Variants in OTOP1 observed in about 807,000 individuals in gnomAD.
OTOP1 encodes proton channel OTOP1.
OTOP1 carries 59 observed loss-of-function variants against 52.9 expected under a neutral mutation model. The ratio of observed to expected loss-of-function variants is 1.12; its 90% CI spans 0.91 to 1.39. The LOEUF (loss-of-function observed/expected upper bound fraction) is 1.39. Ranked by LOEUF, OTOP1 falls within the 40% of genes most tolerant of loss-of-function variation. The pLI, the probability that OTOP1 is intolerant of heterozygous loss-of-function variation, is 0.00. For missense variants in OTOP1, 761 were observed against 800.9 expected (o/e 0.95, Z 0.60); for synonymous variants, 317 against 337.7 (o/e 0.94, Z 0.67).
At chr4:4,193,536 A>G (rs1716557754) in intron 5 of OTOP1, among the ~76,000 whole-genome samples, 1 of 136,414 alleles carries the variant, frequency 7.3e-6, no homozygotes, top group Non-Finnish European at 1.6e-5. Context: ...TGCCTTTGGC[A>G]CCACCTGGGG....
Position 4,222,352 on chromosome 4 carries a change from G to A in OTOP1, c.403+4110C>T, listed in dbSNP as rs375546284. 2.0e-5 allele frequency among the ~76,000 whole-genome samples: 3 copies of A among 152,252 alleles called. No individual in the cohort carries two copies. In the South Asian group the frequency reaches 6.2e-4, roughly 32 times the overall value. On this transcript the variant is annotated intron_variant, in intron 1 of 5. Coordinates refer to ENST00000296358, the MANE Select transcript of OTOP1 (RefSeq NM_177998.3). ...ACAGAGGATGGCCTGGAGCTGACAG[G>A]TGCAAGGCAGCAGCACTTTCTACCC...
chr4:4,201,467 T>TACACACACACACACACAC (rs374925758), intron 4 of OTOP1, among the ~76,000 whole-genome samples: 7 of 126,288 alleles, frequency 5.5e-5, no homozygotes, highest in Admixed American at 2.3e-4. Flanking sequence ...TAAATATATA[T>TACACACACACACACACAC]ATATACACAC....
In OTOP1 at chr4:4,202,367, A is replaced by G. The variant is rs1022628597; in HGVS notation, c.730+81T>C. Reference sequence around the variant, plus strand: ...TGCAGTTCTTTGGAACCTGCACTCCATCTCTGAACTCTGTGGACTCTGCAG... The same window carrying G: ...TGCAGTTCTTTGGAACCTGCACTCCGTCTCTGAACTCTGTGGACTCTGCAG... On this transcript the variant is annotated intron_variant, in intron 4 of 5. Transcript: ENST00000296358. 3.8e-6 allele frequency: 6 copies of G among 1,589,396 alleles called. No individual in the cohort carries two copies. The Admixed American group carries it at 8.4e-5, about 22-fold the overall frequency.
chr4:4,224,362 A>G (rs1449953028), intron 1 of OTOP1, among the ~76,000 whole-genome samples: 1 of 151,160 alleles, frequency 6.6e-6, no homozygotes, highest in African/African-American at 2.4e-5. Context: ...AAAAAAATAA[A>G]GAAGGAAAGG....
intron 4 of OTOP1, among the ~76,000 whole-genome samples, chr4:4,201,465 T>TACACAC (rs773676745): frequency 6.4e-4 from 55 of 86,184 alleles, no homozygotes; most frequent in African/African-American, 2.2e-3. Context: ...AATAAATATA[T>TACACAC]ATATATACAC....
chr4:4,212,925 A>T lies in OTOP1; in HGVS notation c.483T>A (p.Cys161Ter). 1 of 1,614,170 alleles carries T rather than the reference A, an allele frequency of 6.2e-7. No individual in the cohort carries two copies. Among genetic ancestry groups the T allele is most frequent in the Non-Finnish European group, 8.5e-7 (1 of 1,179,990 alleles). ...KIGYFIGFSE[C>*]LSATEGVFPV... ...GGAAAACTCCTTCAGTGGCTGATAA[A>T]CATTCTGAAAATCCAATGAAGTATC... The change falls in exon 2 of 6, where the codon TGT (cysteine) becomes TGA (stop). Residue 161 changes from cysteine (C) to a stop codon, truncating the protein, a stop_gained. Transcript: ENST00000296358. LOFTEE classifies it high-confidence loss of function.
At chr4:4,200,369 G>A (rs1238804432) in intron 4 of OTOP1, among the ~76,000 whole-genome samples, 1 of 151,722 alleles carries the variant, frequency 6.6e-6, no homozygotes, top group East Asian at 1.9e-4. Flanking sequence ...CAGCTACTCG[G>A]GAGGCTGATG....
chr4:4,197,652 C>T lies in OTOP1; in HGVS notation c.1182G>A (p.Leu394=), dbSNP rs1716673512. The T allele has an allele frequency of 1.2e-6, 2 of 1,613,744 alleles. No homozygotes were observed. Among genetic ancestry groups the T allele is most frequent in the Non-Finnish European group, 8.5e-7 (1 of 1,179,978 alleles). ...NPARKLDSDL[L]VGTASGSWLI... is the part of the protein sequence containing the mutation. ...GCCAGGAGCCCGAGGCAGTGCCCAC[C>T]AAGAGGTCCGAGTCCAGTTTGCGGG... Residue 394 remains leucine, a synonymous_variant, in exon 5 of 6, where the codon TTG becomes TTA. Coordinates refer to ENST00000296358, the MANE Select transcript of OTOP1 (RefSeq NM_177998.3).
intron 2 of OTOP1, among the ~76,000 whole-genome samples, chr4:4,207,313 T>C (rs1716926773): frequency 6.6e-6 from 1 of 152,204 alleles, no homozygotes; most frequent in African/African-American, 2.4e-5. Flanking sequence ...TTGATGCTTT[T>C]TATAAAAACT....
chr4:4,226,374 G>A, intron 1 of OTOP1, 88 bp downstream of exon 1: 4 of 1,253,468 alleles, frequency 3.2e-6, no homozygotes, highest in East Asian at 3.1e-5. Context: ...AAGGGAAGAC[G>A]GCAGCGGTAG....
intron 1 of OTOP1, among the ~76,000 whole-genome samples, chr4:4,221,479 C>T (rs1372255545): frequency 6.6e-6 from 1 of 152,102 alleles, no homozygotes; most frequent in African/African-American, 2.4e-5. Flanking sequence ...GTGTTGCCTC[C>T]TCCCTGAACC....
At chr4:4,189,005 G>A (rs1255709928) in intron 5 of OTOP1, 32 bp from the exon 6 acceptor site, 6 of 1,599,638 alleles carry the variant, frequency 3.8e-6, no homozygotes, top group Admixed American at 1.7e-5. Context: ...CATGTGGTGG[G>A]GAGCAGCTTC....
At position 4,213,366 on chromosome 4, in the gene OTOP1, G is replaced by A. The variant is rs528367604; in HGVS notation, c.404-362C>T. ...ATTTCTTGGCTATGACACCAAAAAT[G>A]CAAGCAACAAAAATTAAATAAGATG... On this transcript the variant is annotated intron_variant, in intron 1 of 5. Coordinates refer to ENST00000296358, the MANE Select transcript of OTOP1 (RefSeq NM_177998.3). Among the ~76,000 whole-genome samples the A allele has an allele frequency of 3.3e-5, 5 of 152,286 alleles. No homozygotes were observed. In the East Asian group the frequency reaches 9.6e-4, roughly 29 times the overall value.
chr4:4,212,917 G>A lies in OTOP1; in HGVS notation c.491C>T (p.Ala164Val), dbSNP rs762066640. 1 of 1,614,076 alleles carries A rather than the reference G, an allele frequency of 6.2e-7. No homozygotes were observed. The highest frequency in any genetic ancestry group is 1.1e-5 in the South Asian group (1 of 91,074). ...GGTGACTGGGAAAACTCCTTCAGTG[G>A]CTGATAAACATTCTGAAAATCCAAT... is the stretch of plus-strand genomic sequence containing the variant. ...YFIGFSECLSATEGVFPVTHS... is the reference protein window; with the variant it reads ...YFIGFSECLSVTEGVFPVTHS... Residue 164 changes from alanine to valine, a missense_variant, in exon 2 of 6, where the codon GCC (alanine) becomes GTC (valine). By Grantham distance (64) the Ala-to-Val change is moderately conservative (BLOSUM62 0). Around this residue, in one of 3 missense-constraint regions of OTOP1, gnomAD observed 632 missense variants for 619.5 expected, o/e 1.02. Transcript: ENST00000296358.
At chr4:4,222,578 T>G (rs915527219) in intron 1 of OTOP1, among the ~76,000 whole-genome samples, 1 of 152,210 alleles carries the variant, frequency 6.6e-6, no homozygotes, top group Non-Finnish European at 1.5e-5. Context: ...CATGACACTA[T>G]GTCTATATTT....
At chr4:4,195,222 C>T (rs1716594530) in intron 5 of OTOP1, among the ~76,000 whole-genome samples, 1 of 152,240 alleles carries the variant, frequency 6.6e-6, no homozygotes, top group South Asian at 2.1e-4. Flanking sequence ...TTATGCCAAA[C>T]TACTTGGTGC....
At chr4:4,191,192 T>C (rs1465276161) in intron 5 of OTOP1, among the ~76,000 whole-genome samples, 1 of 152,082 alleles carries the variant, frequency 6.6e-6, no homozygotes, top group Non-Finnish European at 1.5e-5. Flanking sequence ...ATCCAGTCCA[T>C]CAGCGCATCT....
At chr4:4,204,112 G>T (rs1177592729) in intron 3 of OTOP1, among the ~76,000 whole-genome samples, 1 of 152,178 alleles carries the variant, frequency 6.6e-6, no homozygotes, top group Non-Finnish European at 1.5e-5. Context: ...TCTCCTCTCG[G>T]TTTTAACCTC....
chr4:4,203,534 A>G (rs532361778), intron 3 of OTOP1, among the ~76,000 whole-genome samples: 199 of 152,336 alleles, frequency 1.3e-3, no homozygotes, highest in African/African-American at 4.5e-3. Flanking sequence ...GGCAGAAGAT[A>G]GAAAAGAGAA....
Sources: allele counts gnomAD v4.1 joint callset (sites outside exome capture counted in the v4.1 genomes callset), GRCh38; gene constraint gnomAD v4.1.1; regional missense constraint gnomAD v4.1.1; transcripts MANE v1.5; gene names NCBI Gene and HGNC (gene_info 2026-07-23, HGNC 2026-07-21).